Variants in ERCC6 observed in about 807,000 individuals in gnomAD.
ERCC6 encodes the protein ERCC excision repair 6, chromatin remodeling factor.
In ERCC6, 116 loss-of-function variants were observed where a neutral mutation model predicts 158.7. The ratio of observed to expected loss-of-function variants is 0.73; its 90% confidence interval spans 0.63 to 0.85. ERCC6 has a LOEUF of 0.85. ERCC6 is among the 40% of genes least tolerant of loss of function. The pLI, the probability that ERCC6 is intolerant of heterozygous loss-of-function variation, is 0.00. For synonymous variants in ERCC6, 678 were observed against 659.3 expected (o/e 1.03, Z -0.43); for missense variants, 1,698 against 1,799.4 (o/e 0.94, Z 1.02).
chr10:49,461,312 T>C (rs766118778), intron 19 of ERCC6, 40 bp downstream of exon 19: 1 of 1,589,038 alleles, frequency 6.3e-7, no homozygotes, highest in Admixed American at 1.7e-5. Flanking sequence ...GCCTTAGTTG[T>C]TTGGACTCCT....
At chr10:49,527,571 A>G (rs974057715) in intron 4 of ERCC6, among the ~76,000 whole-genome samples, 3 of 152,188 alleles carry the variant, frequency 2.0e-5, no homozygotes, top group Non-Finnish European at 4.4e-5. Context: ...GCTACTTGGG[A>G]GGCTGAGGCA....
rs2132541825 is a variant in ERCC6, at chr10:49,474,117, T to C, written c.2508A>G (p.Lys836=). The C allele has an allele frequency of 1.9e-6, 3 of 1,614,118 alleles. No homozygotes were observed. The highest frequency in any genetic ancestry group is 2.5e-6 in the Non-Finnish European group (3 of 1,180,028). ...CAACAACAATCATTTTCCCAGAACG[T>C]TTCCAGTACCCAAACTGATCTTCTT... ...ELEEDQFGYW[K]RSGKMIVVES... is the part of the protein sequence containing the mutation. The change falls in exon 13 of 21, where the codon AAA becomes AAG. Residue 836 remains lysine, a synonymous_variant. Coordinates refer to ENST00000355832, the MANE Select transcript of ERCC6 (RefSeq NM_000124.4).
At chr10:49,527,591 C>T (rs1295398327) in intron 4 of ERCC6, among the ~76,000 whole-genome samples, 2 of 152,178 alleles carry the variant, frequency 1.3e-5, no homozygotes, top group African/African-American at 4.8e-5. Flanking sequence ...AGGAGAATCG[C>T]TTGAACCCGG....
At chr10:49,443,260 G>C in the ERCC6 span, among the ~76,000 whole-genome samples, 60 of 152,176 alleles carry the variant, frequency 3.9e-4, no homozygotes, top group African/African-American at 1.4e-3. Flanking sequence ...GAGGTTAAAG[G>C]AAGTTAAATC....
At chr10:49,512,697 G>A (rs143375792) in intron 5 of ERCC6, among the ~76,000 whole-genome samples, 3 of 152,282 alleles carry the variant, frequency 2.0e-5, no homozygotes, top group Non-Finnish European at 2.9e-5. Flanking sequence ...AGATATGTTG[G>A]GATGGGACCC....
chr10:49,434,939 T>C, the ERCC6 span, among the ~76,000 whole-genome samples: 2 of 152,216 alleles, frequency 1.3e-5, no homozygotes, highest in African/African-American at 2.4e-5. Flanking sequence ...TATGTTTGTA[T>C]ACTGATGAAA....
rs146540023 is a variant in ERCC6, at chr10:49,470,473, C to G, written c.3487G>C (p.Ala1163Pro). 6.2e-7 allele frequency: 1 copy of G among 1,614,000 alleles called. No individual in the cohort carries two copies. Among genetic ancestry groups the G allele is most frequent in the Non-Finnish European group, 8.5e-7 (1 of 1,180,030 alleles). ...TTCTCCCAAAAAGCTTCTGTTTGAGCCTGGCTGGGTCTTTCTCTTTTGTAA... is the reference window on the plus strand; with the variant it reads ...TTCTCCCAAAAAGCTTCTGTTTGAGGCTGGCTGGGTCTTTCTCTTTTGTAA... ...LSYKRERPSQ[A>P]QTEAFWENKQ... The change falls in exon 18 of 21, where the codon GCT becomes CCT. Residue 1163 changes from alanine (A) to proline (P), a missense_variant. Ala to Pro is a conservative substitution (Grantham distance 27). Coordinates refer to ENST00000355832, the MANE Select transcript of ERCC6 (RefSeq NM_000124.4).
At chr10:49,493,900 T>C (rs988531273) in intron 7 of ERCC6, among the ~76,000 whole-genome samples, 1 of 152,126 alleles carries the variant, frequency 6.6e-6, no homozygotes. Context: ...TGTTCTCTCC[T>C]GGGAAGCCCA....
rs893147268 is a variant in ERCC6, at chr10:49,455,484, T to C, written c.*3331A>G. 6.6e-6 allele frequency: 1 copy of C among 152,218 alleles called. No homozygotes were observed. Among genetic ancestry groups the C allele is most frequent in the Non-Finnish European group, 1.5e-5 (1 of 68,048 alleles). The allele number at this position is 152,218 out of a possible 1,614,324, so 9.4% of individuals were successfully genotyped here. A position where few individuals can be genotyped will look rare whatever the true frequency, so the allele number is the denominator to read the frequency against. On this transcript the variant is annotated 3_prime_UTR_variant, in exon 21 of 21. Transcript: ENST00000355832. ...GGAGAAAGGAAAAGGAACTTGCCCA[T>C]GAATGGCAAAACACAATGCAAAGCA... is the stretch of plus-strand genomic sequence containing the variant.
At position 49,473,446 on chromosome 10, in the gene ERCC6, A is replaced by G. The variant is rs1850818237; in HGVS notation, c.2709+31T>C. ...CTTTCCCTCCACGTACAGCAGCACCACTCAACTTCCCTGTTACATTCACAT... is the reference window on the plus strand; with the variant it reads ...CTTTCCCTCCACGTACAGCAGCACCGCTCAACTTCCCTGTTACATTCACAT... On this transcript the variant is annotated intron_variant, in intron 14 of 20. Coordinates refer to ENST00000355832, the MANE Select transcript of ERCC6 (RefSeq NM_000124.4). The G allele has an allele frequency of 2.9e-6, 4 of 1,363,582 alleles. No homozygotes were observed. The East Asian group carries it at 9.2e-5, about 31-fold the overall frequency. The allele number at this position is 1,363,582 out of a possible 1,614,324, so 84.5% of individuals were successfully genotyped here. A position where few individuals can be genotyped will look rare whatever the true frequency, so the allele number is the denominator to read the frequency against.
intron 5 of ERCC6, among the ~76,000 whole-genome samples, chr10:49,517,300 T>A (rs1159227809): frequency 6.6e-6 from 1 of 152,214 alleles, no homozygotes; most frequent in East Asian, 1.9e-4. Context: ...ATTACTAGTA[T>A]AGGATGTAGT....
chr10:49,450,750 T>C (rs1850410403), downstream of ERCC6, among the ~76,000 whole-genome samples: 1 of 152,252 alleles, frequency 6.6e-6, no homozygotes, highest in Non-Finnish European at 1.5e-5. Flanking sequence ...CCTTATTCTT[T>C]TTGATGCTAT....
At chr10:49,438,770 G>T in the ERCC6 span, among the ~76,000 whole-genome samples, 1 of 152,188 alleles carries the variant, frequency 6.6e-6, no homozygotes, top group Non-Finnish European at 1.5e-5. Flanking sequence ...TACATAGAAT[G>T]GAGGTACAGG....
chr10:49,466,165 A>C (rs1201940112), intron 18 of ERCC6, among the ~76,000 whole-genome samples: 1 of 152,220 alleles, frequency 6.6e-6, no homozygotes, highest in Non-Finnish European at 1.5e-5. Context: ...AAAAAGAACT[A>C]AGTTATTTTT....
rs1175267676 is a variant in ERCC6 at position 49,455,108 on chromosome 10, T to C, written c.*3707A>G. Among the ~76,000 whole-genome samples the C allele has an allele frequency of 6.6e-6, 1 of 152,070 alleles. No homozygotes were observed. Among genetic ancestry groups the C allele is most frequent in the Non-Finnish European group, 1.5e-5 (1 of 68,020 alleles). On this transcript the variant is annotated 3_prime_UTR_variant, in exon 21 of 21. Coordinates refer to ENST00000355832, the MANE Select transcript of ERCC6 (RefSeq NM_000124.4). ...CGTATGATAAACATCACAAAATAGA[T>C]ATGTGAATATGCTAATTCTCCATAT... is the stretch of plus-strand genomic sequence containing the variant.
intron 4 of ERCC6, among the ~76,000 whole-genome samples, chr10:49,526,816 G>C (rs7082895): frequency 1.3e-5 from 2 of 151,880 alleles, no homozygotes; most frequent in Non-Finnish European, 2.9e-5. Context: ...GTGTCCAGAC[G>C]GAGAGATATA....
the ERCC6 span, among the ~76,000 whole-genome samples, chr10:49,443,469 T>A: frequency 6.6e-6 from 1 of 152,196 alleles, no homozygotes; most frequent in Admixed American, 6.5e-5. Flanking sequence ...ACCTAGTACA[T>A]CACAGCCCTC....
chr10:49,444,471 G>A, the ERCC6 span, among the ~76,000 whole-genome samples: 1 of 152,180 alleles, frequency 6.6e-6, no homozygotes, highest in Admixed American at 6.5e-5. Context: ...GAGATGGGGA[G>A]GATATATCCT....
intron 5 of ERCC6, among the ~76,000 whole-genome samples, chr10:49,521,258 T>G (rs1442339524): frequency 6.6e-6 from 1 of 152,240 alleles, no homozygotes; most frequent in Non-Finnish European, 1.5e-5. Context: ...CGACCTGATC[T>G]TTATCACCCT....
Sources: allele counts gnomAD v4.1 joint callset (sites outside exome capture counted in the v4.1 genomes callset), GRCh38; gene constraint gnomAD v4.1.1; transcripts MANE v1.5; gene names NCBI Gene and HGNC (gene_info 2026-07-23, HGNC 2026-07-21).